The following NPHP3 variants were observed in gnomAD, a reference collection of about 807,000 sequenced individuals.
The protein encoded by NPHP3 is nephrocystin 3, also known as nephrocystin-3.
NPHP3 carries 123 observed loss-of-function variants against 171.9 expected under a neutral mutation model. The observed-to-expected ratio is 0.72, with a 90% CI of 0.62 to 0.83. The LOEUF is 0.83. Among genes scored for constraint, NPHP3 ranks in the 40% least tolerant of loss-of-function variants. The probability of loss-of-function intolerance (pLI) is 0.00; values close to 1 mark genes in which losing one functional copy is unlikely to be tolerated. For missense variants in NPHP3, 1,506 were observed against 1,591.9 expected (o/e 0.95, Z 0.92); for synonymous variants, 558 against 579.2 (o/e 0.96, Z 0.52).
Position 132,688,848 on chromosome 3 carries a change from G to A in NPHP3, c.2927C>T (p.Ala976Val), listed in dbSNP as rs1031047932. Residue 976 changes from alanine to valine, a missense_variant, in exon 21 of 27, where the codon GCT becomes GTT. Physicochemically the swap from Ala to Val is moderately conservative, Grantham distance 64. Around this residue, in one of 3 missense-constraint regions of NPHP3, gnomAD observed 569 missense variants for 648.1 expected, o/e 0.88. Coordinates refer to ENST00000337331, the MANE Select transcript of NPHP3 (RefSeq NM_153240.5). ...LQRSLEIRET[A>V]LDPDHPRVAQ... ...TACTCTTGGGTGATCGGGATCTAAAGCTGTTTCTCGAATCTCTAAAGACCT... is the reference window on the plus strand; with the variant it reads ...TACTCTTGGGTGATCGGGATCTAAAACTGTTTCTCGAATCTCTAAAGACCT... 6.2e-7 allele frequency: 1 copy of A among 1,613,984 alleles called. No homozygotes were observed. The highest frequency in any genetic ancestry group is 8.5e-7 in the Non-Finnish European group (1 of 1,179,998).
At chr3:132,721,809 G>A in intron 1 of NPHP3, 154 bp downstream of exon 1, 3 of 977,900 alleles carry the variant, frequency 3.1e-6, no homozygotes, top group Non-Finnish European at 3.1e-6. Context: ...AAAGGGGAGG[G>A]TTAAGGAATC....
chr3:132,718,447 T>C (rs181502902), intron 3 of NPHP3, among the ~76,000 whole-genome samples: 15 of 152,366 alleles, frequency 9.8e-5, no homozygotes, highest in Non-Finnish European at 1.5e-4. Context: ...TTCTAAATGA[T>C]AGTTGCAAAG....
chr3:132,712,771 A>G lies in NPHP3; in HGVS notation c.1118+355T>C, dbSNP rs1939949080. Among the ~76,000 whole-genome samples, 2 of 152,000 alleles carry G rather than the reference A, an allele frequency of 1.3e-5. 1 individual carries two copies. The highest frequency in any genetic ancestry group is 4.1e-4 in the South Asian group (2 of 4,834). ...ACAGAGCAAGACTCTGTCTCAAAAA[A>G]AAAAGAAAAAAAAATTTATATATAT... On this transcript the variant is annotated intron_variant, in intron 6 of 26. Coordinates refer to ENST00000337331, the MANE Select transcript of NPHP3 (RefSeq NM_153240.5).
chr3:132,709,412 AGCTAGGCCCACAGGCACAC>A (rs1178530063), intron 6 of NPHP3, among the ~76,000 whole-genome samples: 1 of 151,146 alleles, frequency 6.6e-6, no homozygotes. Context: ...CCTACCGAGT[AGCTAGGCCCACAGGCACAC>A]GCCACCACAC....
chr3:132,700,873 AG>A (rs1939588707), intron 10 of NPHP3, among the ~76,000 whole-genome samples: 1 of 152,182 alleles, frequency 6.6e-6, no homozygotes, highest in South Asian at 2.1e-4. Flanking sequence ...TATGAAAGAA[AG>A]AAAATATTTT....
intron 17 of NPHP3, among the ~76,000 whole-genome samples, chr3:132,692,109 C>T (rs1044818887): frequency 6.6e-6 from 1 of 152,290 alleles, no homozygotes; most frequent in South Asian, 2.1e-4. Flanking sequence ...CAAATACTTA[C>T]AGTTACACAC....
Position 132,692,806 on chromosome 3 carries a change from C to A in NPHP3, c.2323G>T (p.Val775Phe). ...CTCACACCATTGTGACTAACATTGA[C>A]AAGGCAGAGGATCTAGGTAGAAAAA... Reference protein sequence around the residue: ...KELMKQILCLVNVSHNGVSES... With the variant: ...KELMKQILCLFNVSHNGVSES... The change falls in exon 17 of 27, where the codon GTC becomes TTC. Residue 775 changes from valine to phenylalanine, a missense_variant. Val to Phe is a conservative substitution (Grantham distance 50, BLOSUM62 -1). Transcript: ENST00000337331. 6.2e-7 allele frequency: 1 copy of A among 1,613,922 alleles called. No individual in the cohort carries two copies. The highest frequency in any genetic ancestry group is 8.5e-7 in the Non-Finnish European group (1 of 1,179,880).
chr3:132,699,883 G>A, intron 12 of NPHP3, 35 bp downstream of exon 12: 1 of 1,606,996 alleles, frequency 6.2e-7, no homozygotes, highest in East Asian at 2.2e-5. Context: ...ATCTCTTTCT[G>A]AGCATATCAA....
At chr3:132,701,274 T>C (rs1481055965) in intron 10 of NPHP3, among the ~76,000 whole-genome samples, 156 bp downstream of exon 10, 1 of 152,234 alleles carries the variant, frequency 6.6e-6, no homozygotes, top group East Asian at 1.9e-4. Flanking sequence ...ATCCAAATTC[T>C]ATGCATTTCA....
Position 132,683,491 on chromosome 3 carries a change from A to C in NPHP3, c.3604T>G (p.Leu1202Val). ...GATTTCTGTCGAATTTCAACAGCCA[A>C]TTCATACAAAGGTACAGCTTTGTCA... The part of the protein sequence containing the change: ...KLDKAVPLYE[L>V]AVEIRQKSFG... Residue 1202 changes from leucine to valine, a missense_variant, in exon 25 of 27, where the codon TTG (leucine) becomes GTG (valine). Physicochemically the swap from Leu to Val is conservative, Grantham distance 32. Transcript: ENST00000337331. 1 of 1,613,186 alleles carries C rather than the reference A, an allele frequency of 6.2e-7. No homozygotes were observed. Among genetic ancestry groups the C allele is most frequent in the Non-Finnish European group, 8.5e-7 (1 of 1,179,312 alleles).
At chr3:132,692,210 T>A (rs1939316858) in intron 17 of NPHP3, among the ~76,000 whole-genome samples, 1 of 152,202 alleles carries the variant, frequency 6.6e-6, no homozygotes, top group Non-Finnish European at 1.5e-5. Flanking sequence ...GGCTGTACCA[T>A]CTAGATTTGT....
intron 21 of NPHP3, among the ~76,000 whole-genome samples, chr3:132,688,038 A>C (rs541132596): frequency 6.6e-6 from 1 of 152,308 alleles, no homozygotes; most frequent in South Asian, 2.1e-4. Context: ...GGCCCCATAA[A>C]GGTTGAACAT....
intron 13 of NPHP3, 98 bp downstream of exon 13, chr3:132,699,254 AT>A: frequency 1.2e-6 from 1 of 810,504 alleles, no homozygotes. Context: ...TGCAAGTTAC[AT>A]AAAAAATGTG....
chr3:132,714,655 C>T (rs1053693962), intron 5 of NPHP3, among the ~76,000 whole-genome samples: 1 of 152,026 alleles, frequency 6.6e-6, no homozygotes, highest in Non-Finnish European at 1.5e-5. Context: ...CTTGAGCTCA[C>T]GAGTTTTAGG....
intron 3 of NPHP3, chr3:132,718,250 A>G (rs565286364): frequency 1.0e-4 from 29 of 285,998 alleles, no homozygotes; most frequent in Admixed American, 6.4e-4. Context: ...TTAAAATAGA[A>G]TATTTTTCTT....
At chr3:132,697,430 A>T in intron 13 of NPHP3, 68 bp from the exon 14 acceptor site, 1 of 1,036,098 alleles carries the variant, frequency 9.7e-7, no homozygotes, top group Non-Finnish European at 1.5e-6. Context: ...CCCATAACAC[A>T]ATTTAAAATC....
At chr3:132,682,505 T>C (rs1412732437) in intron 26 of NPHP3, 198 bp downstream of exon 26, 1 of 598,590 alleles carries the variant, frequency 1.7e-6, no homozygotes, top group Non-Finnish European at 3.0e-6. Flanking sequence ...TGCATACATA[T>C]GCTCCTCTGC....
intron 17 of NPHP3, among the ~76,000 whole-genome samples, chr3:132,691,983 A>T (rs990377205): frequency 9.8e-5 from 15 of 152,350 alleles, no homozygotes; most frequent in African/African-American, 3.4e-4. Context: ...GGTCAACAAC[A>T]AACTGCATAC....
intron 24 of NPHP3, 104 bp from the exon 25 acceptor site, chr3:132,683,628 G>A: frequency 7.8e-6 from 7 of 897,888 alleles, no homozygotes; most frequent in South Asian, 3.4e-5. Flanking sequence ...TAATTTTGAG[G>A]GAAAAAAATC....
Sources: allele counts gnomAD v4.1 joint callset (sites outside exome capture counted in the v4.1 genomes callset), GRCh38; gene constraint gnomAD v4.1.1; regional missense constraint gnomAD v4.1.1; transcripts MANE v1.5; gene names NCBI Gene and HGNC (gene_info 2026-07-23, HGNC 2026-07-21).